Variants in RANBP17 observed in about 807,000 individuals in gnomAD.
The protein encoded by RANBP17 is RAN binding protein 17, also known as ran-binding protein 17.
Under a neutral mutation model 141.2 loss-of-function variants are expected in RANBP17, and 158 were observed. The ratio of observed to expected loss-of-function variants is 1.12; its 90% confidence interval spans 0.98 to 1.28. The LOEUF (loss-of-function observed/expected upper bound fraction) is 1.28, where lower values mean the gene tolerates loss of function less well. Ranked by LOEUF, RANBP17 falls within the 50% of genes most tolerant of loss-of-function variation. The probability of loss-of-function intolerance (pLI) is 0.00; values close to 1 mark genes in which losing one functional copy is unlikely to be tolerated. For missense variants in RANBP17, 1,438 were observed against 1,290.7 expected, an observed-to-expected ratio of 1.11 and a Z score of -1.75; for synonymous variants, 430 against 450.0, an observed-to-expected ratio of 0.96 and a Z score of 0.56.
At chr5:170,922,322 G>A (rs774465303) in intron 11 of RANBP17, among the ~76,000 whole-genome samples, 39 of 152,188 alleles carry the variant, frequency 2.6e-4, no homozygotes, top group Non-Finnish European at 1.8e-4. Flanking sequence ...GTTCGTTCTC[G>A]GAGTTTGAAC....
At position 171,294,068 on chromosome 5, in the gene RANBP17, C is replaced by T. The variant is rs1157541163; in HGVS notation, c.3042+87C>T. ...TAGGGTGAGCTGTGATGACGAAGGA[C>T]AGAGGAGCAGAGCCAATTGAATTTG... On this transcript the variant is annotated intron_variant, in intron 26 of 27. Coordinates refer to ENST00000523189, the MANE Select transcript of RANBP17 (RefSeq NM_022897.5). 1.5e-5 allele frequency: 14 copies of T among 945,054 alleles called. No individual in the cohort carries two copies. The East Asian group carries it at 2.7e-4, about 18-fold the overall frequency. The allele number at this position is 945,054 out of a possible 1,614,324, so 58.5% of individuals were successfully genotyped here.
At chr5:171,265,897 CAT>C (rs1561813616) in intron 25 of RANBP17, 50 bp downstream of exon 25, 1 of 1,549,280 alleles carries the variant, frequency 6.5e-7, no homozygotes, top group Non-Finnish European at 8.8e-7. Flanking sequence ...TCCCAGAAGC[CAT>C]ACCTGGCCCC....
At chr5:171,186,057 A>G (rs569209957) in intron 18 of RANBP17, among the ~76,000 whole-genome samples, 1 of 152,316 alleles carries the variant, frequency 6.6e-6, no homozygotes, top group East Asian at 1.9e-4. Context: ...AGATTTTAGC[A>G]TAATTCTTAA....
chr5:171,104,131 G>A (rs1477792541), intron 14 of RANBP17, among the ~76,000 whole-genome samples: 1 of 152,216 alleles, frequency 6.6e-6, no homozygotes, highest in Non-Finnish European at 1.5e-5. Context: ...TCCACCTCCT[G>A]GGTTCAAGTG....
At chr5:171,106,176 A>C (rs747070159) in intron 14 of RANBP17, among the ~76,000 whole-genome samples, 3 of 152,230 alleles carry the variant, frequency 2.0e-5, no homozygotes, top group Non-Finnish European at 4.4e-5. Context: ...GACAAAAAAC[A>C]GTACTGTGAC....
chr5:171,191,902 G>A (rs1761677123), intron 18 of RANBP17, among the ~76,000 whole-genome samples: 1 of 152,004 alleles, frequency 6.6e-6, no homozygotes, highest in African/African-American at 2.4e-5. Context: ...TGGGGCTTGG[G>A]GGCAGTGAAA....
At chr5:170,912,032 GT>G (rs1031806898) in intron 7 of RANBP17, among the ~76,000 whole-genome samples, 2 of 151,750 alleles carry the variant, frequency 1.3e-5, no homozygotes, top group African/African-American at 4.8e-5. Flanking sequence ...CAAGACCAGA[GT>G]TTTTTTCCTC....
At chr5:171,183,451 T>A (rs1399981604) in intron 18 of RANBP17, 21 bp downstream of exon 18, 1 of 1,510,638 alleles carries the variant, frequency 6.6e-7, no homozygotes, top group East Asian at 2.3e-5. Flanking sequence ...GAATTTAAAC[T>A]CAATTAATAA....
At chr5:170,910,680 G>A in intron 6 of RANBP17, 1 of 294,694 alleles carries the variant, frequency 3.4e-6, no homozygotes, top group Non-Finnish European at 6.4e-6. Flanking sequence ...TGGTTTGTGT[G>A]AGAATGGGCA....
chr5:170,875,955 TG>T (rs1768143285), intron 1 of RANBP17, among the ~76,000 whole-genome samples: 1 of 152,240 alleles, frequency 6.6e-6, no homozygotes, highest in Admixed American at 6.5e-5. Flanking sequence ...TTGATGCTGC[TG>T]TTGTTGCTTT....
chr5:170,960,843 A>G (rs1054480879), intron 13 of RANBP17, among the ~76,000 whole-genome samples: 1 of 152,174 alleles, frequency 6.6e-6, no homozygotes, highest in African/African-American at 2.4e-5. Flanking sequence ...CATTCACTAC[A>G]TTATAGCCAT....
At chr5:171,281,758 T>A (rs1202302388) in intron 25 of RANBP17, among the ~76,000 whole-genome samples, 1 of 152,190 alleles carries the variant, frequency 6.6e-6, no homozygotes, top group Non-Finnish European at 1.5e-5. Context: ...GAGCTAATAA[T>A]AGAATATTAT....
chr5:170,907,891 A>T (rs1771201085), intron 5 of RANBP17, among the ~76,000 whole-genome samples: 1 of 151,990 alleles, frequency 6.6e-6, no homozygotes. Flanking sequence ...CACTTCTCAA[A>T]AGAAGGCAAG....
chr5:170,924,722 A>ATTT, intron 12 of RANBP17, 172 bp downstream of exon 12: 1 of 367,608 alleles, frequency 2.7e-6, no homozygotes, highest in East Asian at 4.1e-5. Context: ...TTGTTGGTTG[A>ATTT]TTTTTTTTTT....
chr5:171,295,978 G>T lies in RANBP17; in HGVS notation c.3134G>T (p.Gly1045Val). The change falls in exon 27 of 28, where the codon GGA (glycine) becomes GTA (valine). Residue 1045 changes from glycine (G) to valine (V), a missense_variant. Transcript: ENST00000523189. Reference protein sequence around the residue: ...LAQCFRNLMEGVEQNLSVKNR... With the variant: ...LAQCFRNLMEVVEQNLSVKNR... The stretch of plus-strand genomic sequence containing the variant: ...CAGTGCTTCAGAAACCTAATGGAAG[G>T]AGTGGAGCAGAACCTGTCCGTCAAG... 2.5e-6 allele frequency: 4 copies of T among 1,613,868 alleles called. No homozygotes were observed. Among genetic ancestry groups the T allele is most frequent in the Non-Finnish European group, 3.4e-6 (4 of 1,179,836 alleles).
chr5:171,224,544 G>T (rs1295532293), intron 22 of RANBP17, among the ~76,000 whole-genome samples: 6 of 152,152 alleles, frequency 3.9e-5, no homozygotes, highest in Admixed American at 3.9e-4. Flanking sequence ...AGGTTGTTCT[G>T]TTCTCTGTTG....
chr5:170,945,191 A>G (rs1774650480), intron 12 of RANBP17, among the ~76,000 whole-genome samples: 1 of 152,084 alleles, frequency 6.6e-6, no homozygotes, highest in Non-Finnish European at 1.5e-5. Context: ...TAGAAAGTGT[A>G]TATGGCTAGT....
intron 14 of RANBP17, among the ~76,000 whole-genome samples, chr5:171,115,834 A>G (rs1171691810): frequency 6.6e-6 from 1 of 152,218 alleles, no homozygotes; most frequent in African/African-American, 2.4e-5. Context: ...TTTTACTACT[A>G]AAAGTTTTAT....
At chr5:170,933,328 G>T (rs1224902887) in intron 12 of RANBP17, among the ~76,000 whole-genome samples, 1 of 151,954 alleles carries the variant, frequency 6.6e-6, no homozygotes, top group Non-Finnish European at 1.5e-5. Flanking sequence ...CTTACTAGCG[G>T]TCTATCAATT....
Sources: allele counts gnomAD v4.1 joint callset (sites outside exome capture counted in the v4.1 genomes callset), GRCh38; gene constraint gnomAD v4.1.1; transcripts MANE v1.5; gene names NCBI Gene and HGNC (gene_info 2026-07-23, HGNC 2026-07-21).